The following MYO9A variants were observed in gnomAD, a reference collection of about 807,000 sequenced individuals.
The protein encoded by MYO9A is unconventional myosin-IXa.
MYO9A carries 103 observed loss-of-function variants against 293.3 expected under a neutral mutation model. The observed-to-expected ratio is 0.35, with a 90% confidence interval of 0.30 to 0.41. The LOEUF is 0.41. Ranked by LOEUF, MYO9A falls within the 10% of genes least tolerant of loss-of-function variation. MYO9A has a pLI of 1.00. For synonymous variants in MYO9A, 1,001 were observed against 1,035.7 expected (o/e 0.97, Z 0.64); for missense variants, 2,685 against 3,033.0 (o/e 0.89, Z 2.69).
Position 71,991,235 on chromosome 15 carries a change from T to C in MYO9A, c.1590A>G (p.Thr530=), listed in dbSNP as rs775643940. The C allele has an allele frequency of 1.3e-6, 2 of 1,584,860 alleles. No homozygotes were observed. Among genetic ancestry groups the C allele is most frequent in the African/African-American group, 2.7e-5 (2 of 73,542 alleles). The change falls in exon 11 of 42, where the codon ACA becomes ACG. Residue 530 remains threonine (T), a splice_region_variant and synonymous_variant. Coordinates refer to ENST00000356056, the MANE Select transcript of MYO9A (RefSeq NM_006901.4). ...NSKDLEHNTK[T]LSIGVLDIFG... ...AAATATCAAGAACACCAATAGACAA[T>C]GTCTGTAAAACAAGAGAAAGTTTTG...
At chr15:71,967,962 A>G in intron 13 of MYO9A, 22 bp downstream of exon 13, 1 of 1,594,428 alleles carries the variant, frequency 6.3e-7, no homozygotes, top group African/African-American at 1.3e-5. Context: ...CTGTAAGCAT[A>G]TTCAGTGAGA....
chr15:72,018,612 T>G (rs1312686057), intron 6 of MYO9A, among the ~76,000 whole-genome samples: 4 of 152,080 alleles, frequency 2.6e-5, no homozygotes, highest in Non-Finnish European at 4.4e-5. Context: ...TGTTGATATA[T>G]AAAACATAAA....
intron 12 of MYO9A, among the ~76,000 whole-genome samples, chr15:71,973,571 C>T (rs1383004819): frequency 6.6e-6 from 1 of 152,018 alleles, no homozygotes. Context: ...TGGATAAAAG[C>T]CACTGTATGA....
intron 33 of MYO9A, among the ~76,000 whole-genome samples, chr15:71,861,691 A>AC (rs1555464539): frequency 1.3e-5 from 2 of 148,344 alleles, no homozygotes; most frequent in African/African-American, 4.9e-5. Flanking sequence ...AAAAAAAAAA[A>AC]AAAAAAAAAA....
At chr15:72,088,547 A>T (rs1030050414) in intron 1 of MYO9A, among the ~76,000 whole-genome samples, 1 of 152,162 alleles carries the variant, frequency 6.6e-6, no homozygotes, top group Non-Finnish European at 1.5e-5. Context: ...CACATTTGCC[A>T]CTTACTACTG....
chr15:72,018,559 A>G (rs1256685821), intron 6 of MYO9A, among the ~76,000 whole-genome samples: 5 of 152,184 alleles, frequency 3.3e-5, no homozygotes, highest in African/African-American at 1.2e-4. Flanking sequence ...ACTGGGAAAA[A>G]AAATCAAAGA....
chr15:71,845,317 G>A (rs922964183), intron 39 of MYO9A, among the ~76,000 whole-genome samples: 1 of 147,612 alleles, frequency 6.8e-6, no homozygotes, highest in Non-Finnish European at 1.5e-5. Flanking sequence ...GCTAGTATCT[G>A]TTTGTAGGTA....
chr15:72,025,417 G>C (rs1020925615), intron 4 of MYO9A, among the ~76,000 whole-genome samples: 4 of 152,172 alleles, frequency 2.6e-5, no homozygotes, highest in African/African-American at 9.6e-5. Flanking sequence ...CTGGAGTGCA[G>C]TGGCGAGACC....
intron 13 of MYO9A, among the ~76,000 whole-genome samples, chr15:71,967,707 G>A (rs1258083425): frequency 1.3e-5 from 2 of 152,076 alleles, no homozygotes; most frequent in Non-Finnish European, 1.5e-5. Flanking sequence ...AGTGAGTTTG[G>A]GATATACAGA....
chr15:71,852,358 G>A, intron 35 of MYO9A, 98 bp from the exon 36 acceptor site: 1 of 706,292 alleles, frequency 1.4e-6, no homozygotes, highest in Non-Finnish European at 2.0e-6. Flanking sequence ...AAGGCTTCAT[G>A]TTTCTTTTTT....
At chr15:71,921,200 C>T (rs2145047936) in intron 18 of MYO9A, among the ~76,000 whole-genome samples, 2 of 152,196 alleles carry the variant, frequency 1.3e-5, no homozygotes, top group Middle Eastern at 6.8e-3. Context: ...AAAGTATTAC[C>T]AAAACAGAGC....
At chr15:71,895,510 A>C (rs2057297519) in intron 25 of MYO9A, among the ~76,000 whole-genome samples, 1 of 152,186 alleles carries the variant, frequency 6.6e-6, no homozygotes, top group South Asian at 2.1e-4. Context: ...ATTTCTCTAA[A>C]TACATGATCT....
chr15:72,108,782 GAC>G (rs1359366409), intron 1 of MYO9A, among the ~76,000 whole-genome samples: 11 of 99,324 alleles, frequency 1.1e-4, no homozygotes, highest in Non-Finnish European at 1.6e-4. Flanking sequence ...TTTTTTTTGA[GAC>G]AGAGTTTCAC....
At chr15:71,868,426 A>G (rs151119664) in intron 32 of MYO9A, among the ~76,000 whole-genome samples, 3 of 152,210 alleles carry the variant, frequency 2.0e-5, no homozygotes, top group South Asian at 2.1e-4. Context: ...CTTCCTCTTC[A>G]GCTTTTAAGG....
chr15:71,854,343 G>A, intron 35 of MYO9A, 34 bp downstream of exon 35: 1 of 1,344,984 alleles, frequency 7.4e-7, no homozygotes, highest in Non-Finnish European at 9.7e-7. Flanking sequence ...TTAAATAAAA[G>A]TATTTCATTA....
chr15:72,074,012 C>T (rs1021825981), intron 1 of MYO9A, among the ~76,000 whole-genome samples: 1 of 152,176 alleles, frequency 6.6e-6, no homozygotes, highest in African/African-American at 2.4e-5. Flanking sequence ...GTCCCAACTA[C>T]TCAACTCTTC....
intron 6 of MYO9A, among the ~76,000 whole-genome samples, chr15:72,012,494 T>A (rs886613414): frequency 6.6e-6 from 1 of 152,006 alleles, no homozygotes; most frequent in African/African-American, 2.4e-5. Flanking sequence ...GACGGGGTTT[T>A]ACCACATTGG....
At chr15:71,952,002 G>T in intron 14 of MYO9A, 106 bp from the exon 15 acceptor site, 1 of 1,233,318 alleles carries the variant, frequency 8.1e-7, no homozygotes. Flanking sequence ...AACTATTTAA[G>T]GGTGTATAAA....
intron 26 of MYO9A, chr15:71,893,087 C>A: frequency 3.1e-6 from 4 of 1,290,040 alleles, no homozygotes; most frequent in Non-Finnish European, 4.0e-6. Flanking sequence ...TCCTCTGTAT[C>A]CCCCTCCCCA....
Sources: allele counts gnomAD v4.1 joint callset (sites outside exome capture counted in the v4.1 genomes callset), GRCh38; gene constraint gnomAD v4.1.1; transcripts MANE v1.5; gene names NCBI Gene and HGNC (gene_info 2026-07-23, HGNC 2026-07-21).